Variants in SLC30A8 observed in about 807,000 individuals in gnomAD.
The protein encoded by SLC30A8 is proton-coupled zinc antiporter SLC30A8.
SLC30A8 carries 27 observed loss-of-function variants against 36.9 expected under a neutral mutation model. The ratio of observed to expected loss-of-function variants is 0.73; its 90% CI spans 0.54 to 1.01. The LOEUF is 1.01. SLC30A8 is among the 50% of genes least tolerant of loss of function. The pLI is 0.00. For missense variants in SLC30A8, 439 were observed against 452.0 expected (o/e 0.97, Z 0.26); for synonymous variants, 164 against 172.4 (o/e 0.95, Z 0.38).
chr8:116,980,573 T>C (rs1461133249), intron 1 of SLC30A8, among the ~76,000 whole-genome samples: 2 of 152,162 alleles, frequency 1.3e-5, no homozygotes. Context: ...AAAAAGACTT[T>C]CATTTGGCCA....
intron 2 of SLC30A8, among the ~76,000 whole-genome samples, chr8:117,129,549 T>G (rs758869553): frequency 6.6e-6 from 1 of 152,010 alleles, no homozygotes; most frequent in Non-Finnish European, 1.5e-5. Context: ...AAATGCAAAT[T>G]ATTCCAAATT....
intron 3 of SLC30A8, among the ~76,000 whole-genome samples, chr8:117,156,350 A>C (rs1822486956): frequency 6.6e-6 from 1 of 152,222 alleles, no homozygotes; most frequent in African/African-American, 2.4e-5. Flanking sequence ...GCCAAAGATT[A>C]GTACTTTAAC....
intron 2 of SLC30A8, 124 bp downstream of exon 2, chr8:117,147,277 T>G: frequency 1.3e-6 from 1 of 779,384 alleles, no homozygotes. Context: ...GGTAACAATA[T>G]GCTCATTGTA....
At chr8:117,162,546 A>G (rs1292177643) in intron 5 of SLC30A8, among the ~76,000 whole-genome samples, 8 of 152,208 alleles carry the variant, frequency 5.3e-5, no homozygotes, top group African/African-American at 1.7e-4. Flanking sequence ...TACTGATAAC[A>G]GAGATGGGTT....
At chr8:117,102,725 T>G (rs1246332980) in intron 2 of SLC30A8, among the ~76,000 whole-genome samples, 1 of 152,170 alleles carries the variant, frequency 6.6e-6, no homozygotes, top group East Asian at 1.9e-4. Flanking sequence ...ATGGCCTTCT[T>G]CTATGGGTGC....
intron 1 of SLC30A8, among the ~76,000 whole-genome samples, chr8:117,000,086 T>A (rs188375555): frequency 6.6e-6 from 1 of 152,316 alleles, no homozygotes; most frequent in Admixed American, 6.5e-5. Flanking sequence ...AATTTTCTTC[T>A]CCATTTCAAG....
In SLC30A8 at chr8:117,171,069, G is replaced by C; in HGVS notation, c.865G>C (p.Glu289Gln). 6.2e-7 allele frequency: 1 copy of C among 1,611,246 alleles called. No individual in the cohort carries two copies. Among genetic ancestry groups the C allele is most frequent in the African/African-American group, 1.3e-5 (1 of 74,868 alleles). Residue 289 changes from glutamate (E) to glutamine (Q), a missense_variant, in exon 7 of 8, where the codon GAG becomes CAG. Glu to Gln is a conservative substitution (Grantham distance 29, BLOSUM62 2). Coordinates refer to ENST00000456015, the MANE Select transcript of SLC30A8 (RefSeq NM_173851.3). ...PKSLNYSGVK[E>Q]LILAVDGVLS... ...GAGCCTGAATTACAGTGGTGTGAAA[G>C]AGCTTATTTTAGCAGTCGACGGGGT...
chr8:117,089,802 C>T (rs1563588378), intron 2 of SLC30A8, among the ~76,000 whole-genome samples: 1 of 152,276 alleles, frequency 6.6e-6, no homozygotes, highest in East Asian at 1.9e-4. Context: ...TACGAAGCTC[C>T]ACCATAACTG....
chr8:117,103,477 C>G (rs1563598644), intron 2 of SLC30A8, among the ~76,000 whole-genome samples: 4 of 151,248 alleles, frequency 2.6e-5, no homozygotes, highest in African/African-American at 9.8e-5. Context: ...GGGTAACATA[C>G]TTTGTTTGTT....
chr8:116,959,165 T>C (rs1814328502), intron 1 of SLC30A8, among the ~76,000 whole-genome samples: 1 of 152,122 alleles, frequency 6.6e-6, no homozygotes, highest in Admixed American at 6.5e-5. Context: ...TTTCATTTTT[T>C]AAAAATTTAC....
In SLC30A8 at chr8:117,175,718, C is replaced by G. The variant is rs1231278658; in HGVS notation, c.*3037C>G. The stretch of plus-strand genomic sequence containing the variant: ...TATTATGTACAAACATGAGTGGGCA[C>G]AGAATTTTAAATCATCTCAACTTTT... On this transcript the variant is annotated 3_prime_UTR_variant, in exon 8 of 8. Transcript: ENST00000456015. The G allele has an allele frequency of 1.3e-5, 2 of 152,016 alleles. No homozygotes were observed. The allele number at this position is 152,016 out of a possible 1,614,324, so 9.4% of individuals were successfully genotyped here.
intron 2 of SLC30A8, among the ~76,000 whole-genome samples, chr8:117,054,098 CTTTTTTT>C (rs4060800): frequency 8.1e-6 from 1 of 124,170 alleles, no homozygotes; most frequent in African/African-American, 3.1e-5. Flanking sequence ...CTGCAAAAAT[CTTTTTTT>C]TTTTTTTTTT....
chr8:117,084,631 A>C (rs759389963), intron 2 of SLC30A8, among the ~76,000 whole-genome samples: 1 of 152,062 alleles, frequency 6.6e-6, no homozygotes, highest in Non-Finnish European at 1.5e-5. Context: ...TGGATCTCCT[A>C]ATGTTTAATA....
At chr8:117,167,173 C>T (rs1328554627) in intron 6 of SLC30A8, among the ~76,000 whole-genome samples, 6 of 151,932 alleles carry the variant, frequency 3.9e-5, no homozygotes, top group East Asian at 1.9e-4. Flanking sequence ...TTGTGTGTCT[C>T]GCTATAGCTC....
intron 2 of SLC30A8, among the ~76,000 whole-genome samples, chr8:117,061,082 A>G (rs1818013521): frequency 6.6e-6 from 1 of 152,180 alleles, no homozygotes; most frequent in African/African-American, 2.4e-5. Flanking sequence ...GAAAACGAGT[A>G]TTGTTTTGTT....
At chr8:117,160,486 T>C (rs1435992341) in intron 4 of SLC30A8, among the ~76,000 whole-genome samples, 1 of 151,990 alleles carries the variant, frequency 6.6e-6, no homozygotes, top group African/African-American at 2.4e-5. Context: ...CTTTACCTTC[T>C]CCAGCACATT....
chr8:117,019,148 CCA>C (rs1315182013), intron 1 of SLC30A8, among the ~76,000 whole-genome samples: 1 of 152,118 alleles, frequency 6.6e-6, no homozygotes, highest in Non-Finnish European at 1.5e-5. Flanking sequence ...ACAACAATCC[CCA>C]CAGAGACTGT....
intron 1 of SLC30A8, among the ~76,000 whole-genome samples, chr8:116,969,904 T>TC (rs942122797): frequency 6.6e-6 from 1 of 152,136 alleles, no homozygotes; most frequent in African/African-American, 2.4e-5. Context: ...TACTGTATAC[T>TC]CCCATAGACT....
intron 2 of SLC30A8, among the ~76,000 whole-genome samples, chr8:117,102,382 T>C (rs936152426): frequency 6.6e-6 from 1 of 152,214 alleles, no homozygotes; most frequent in African/African-American, 2.4e-5. Context: ...ATTCTTTTAT[T>C]AGTTACCATT....
Sources: allele counts gnomAD v4.1 joint callset (sites outside exome capture counted in the v4.1 genomes callset), GRCh38; gene constraint gnomAD v4.1.1; transcripts MANE v1.5; gene names NCBI Gene and HGNC (gene_info 2026-07-23, HGNC 2026-07-21).